The following GAB1 variants were observed in gnomAD, a reference collection of about 807,000 sequenced individuals.
GAB1 encodes the protein GRB2-associated-binding protein 1.
A neutral mutation model predicts 66.5 loss-of-function variants in GAB1; 19 were observed. That is an observed-to-expected ratio of 0.29 (90% CI 0.20 to 0.42). The LOEUF (loss-of-function observed/expected upper bound fraction) is 0.42. Among genes scored for constraint, GAB1 ranks in the 10% least tolerant of loss-of-function variants. GAB1 has a pLI of 1.00. For synonymous variants in GAB1, 294 were observed against 301.4 expected, an observed-to-expected ratio of 0.98 and a Z score of 0.25; for missense variants, 732 against 858.5, an observed-to-expected ratio of 0.85 and a Z score of 1.84.
intron 1 of GAB1, chr4:143,349,545 G>A (rs191773336): frequency 1.8e-5 from 27 of 1,507,902 alleles, no homozygotes; most frequent in Admixed American, 1.6e-4. Flanking sequence ...GTGCGGAGAC[G>A]ATGCCAGTGC....
chr4:143,362,193 A>G lies in GAB1; in HGVS notation c.72+24933A>G, dbSNP rs116296538. On this transcript the variant is annotated intron_variant, in intron 1 of 9. Coordinates refer to ENST00000262994, the MANE Select transcript of GAB1 (RefSeq NM_002039.4). ...GTGGAAGGATAGAAAAATAAGGACA[A>G]CAGCTACCTTCCTACATTACTTAAG... is the stretch of plus-strand genomic sequence containing the variant. Among the ~76,000 whole-genome samples, 407 of 152,290 alleles carry G rather than the reference A, an allele frequency of 2.7e-3. 2 individuals carry two copies. The highest frequency in any genetic ancestry group is 9.6e-3 in the African/African-American group (397 of 41,564).
At chr4:143,424,686 A>T (rs1281741875) in intron 2 of GAB1, 1 of 160,976 alleles carries the variant, frequency 6.2e-6, no homozygotes, top group Non-Finnish European at 1.4e-5. Context: ...AAGGCTGGGC[A>T]CGGTGGCTCC....
At chr4:143,459,329 GT>G in intron 6 of GAB1, 55 bp from the exon 7 acceptor site, 1 of 999,064 alleles carries the variant, frequency 1.0e-6, no homozygotes, top group Non-Finnish European at 1.6e-6. Context: ...AGAGAATCTT[GT>G]TTGTTTTCCA....
intron 6 of GAB1, among the ~76,000 whole-genome samples, chr4:143,441,454 T>C (rs2149760483): frequency 6.6e-6 from 1 of 152,326 alleles, no homozygotes; most frequent in African/African-American, 2.4e-5. Context: ...ATATTAGTTC[T>C]AATTAAGTCC....
At chr4:143,409,345 C>T (rs1732234706) in intron 1 of GAB1, among the ~76,000 whole-genome samples, 1 of 151,474 alleles carries the variant, frequency 6.6e-6, no homozygotes, top group African/African-American at 2.4e-5. Context: ...TGTATGCTAT[C>T]TTACTGAAGG....
At chr4:143,432,991 G>A (rs192026032) in intron 2 of GAB1, among the ~76,000 whole-genome samples, 1 of 152,262 alleles carries the variant, frequency 6.6e-6, no homozygotes, top group Admixed American at 6.5e-5. Flanking sequence ...AGAATTAGAA[G>A]TATTTCTCTG....
intron 1 of GAB1, among the ~76,000 whole-genome samples, chr4:143,398,854 G>GT (rs1731595392): frequency 6.6e-6 from 1 of 151,994 alleles, no homozygotes; most frequent in Non-Finnish European, 1.5e-5. Context: ...GAGCTCAGGA[G>GT]TTCGAGACCA....
At chr4:143,352,825 C>T (rs1233433589) in intron 1 of GAB1, among the ~76,000 whole-genome samples, 1 of 152,176 alleles carries the variant, frequency 6.6e-6, no homozygotes, top group Non-Finnish European at 1.5e-5. Context: ...ACTTTAACCT[C>T]TCTTCTGTGA....
At position 143,460,469 on chromosome 4, in the gene GAB1, C is replaced by G. The variant is rs1735433134; in HGVS notation, c.1785C>G (p.Asn595Lys). The G allele has an allele frequency of 1.9e-6, 3 of 1,613,632 alleles. No homozygotes were observed. Among genetic ancestry groups the G allele is most frequent in the Non-Finnish European group, 2.5e-6 (3 of 1,179,754 alleles). ...AGAATTATGTTCCCATGAACCCAAA[C>G]CTGTCCAGTGAAGACCCAGTATGTA... is the stretch of plus-strand genomic sequence containing the variant. The part of the protein sequence containing the change: ...SEENYVPMNP[N>K]LSSEDPNLFG... Residue 595 changes from asparagine to lysine, a missense_variant, in exon 8 of 10, where the codon AAC becomes AAG. This residue lies in a region of GAB1 where 204 missense variants were observed against 276.8 expected (regional missense o/e 0.74). Coordinates refer to ENST00000262994, the MANE Select transcript of GAB1 (RefSeq NM_002039.4).
At chr4:143,375,868 C>A (rs1010289726) in intron 1 of GAB1, among the ~76,000 whole-genome samples, 1 of 152,014 alleles carries the variant, frequency 6.6e-6, no homozygotes, top group African/African-American at 2.4e-5. Context: ...AGTAGTGCAC[C>A]CCATCCCCAG....
chr4:143,361,910 G>A (rs1240091873), intron 1 of GAB1, among the ~76,000 whole-genome samples: 1 of 117,700 alleles, frequency 8.5e-6, no homozygotes, highest in Non-Finnish European at 1.8e-5. Flanking sequence ...GAAGTGTTGT[G>A]TGTGGTTTTT....
intron 1 of GAB1, among the ~76,000 whole-genome samples, chr4:143,394,608 T>C (rs1212696284): frequency 1.3e-5 from 2 of 152,188 alleles, no homozygotes; most frequent in African/African-American, 4.8e-5. Flanking sequence ...TCTGTACCCC[T>C]TAGCCACTTA....
rs1228934545 is a variant in GAB1 at position 143,354,724 on chromosome 4, TATTC to T, written c.72+17468_72+17471del. Among the ~76,000 whole-genome samples the T allele has an allele frequency of 9.2e-5, 14 of 152,360 alleles. No individual in the cohort carries two copies. The East Asian group carries it at 2.5e-3, about 27-fold the overall frequency. ...TCACTTAAAATGTGTAGTACATTGT[TATTC>T]ATTATTTCTTTGTTTTAAGTTATAA... On this transcript the variant is annotated intron_variant, in intron 1 of 9. Coordinates refer to ENST00000262994, the MANE Select transcript of GAB1 (RefSeq NM_002039.4).
intron 1 of GAB1, among the ~76,000 whole-genome samples, chr4:143,362,952 G>A (rs1489335653): frequency 6.6e-6 from 1 of 152,202 alleles, no homozygotes; most frequent in Admixed American, 6.5e-5. Flanking sequence ...AACAGTTGCT[G>A]TGTGCTTGAT....
chr4:143,375,213 G>A (rs1375914227), intron 1 of GAB1, among the ~76,000 whole-genome samples: 1 of 152,194 alleles, frequency 6.6e-6, no homozygotes, highest in African/African-American at 2.4e-5. Flanking sequence ...CTCCCAAAGT[G>A]CTGGGATTAC....
At chr4:143,388,411 A>G (rs925134227) in intron 1 of GAB1, among the ~76,000 whole-genome samples, 19 of 152,120 alleles carry the variant, frequency 1.2e-4, no homozygotes, top group Admixed American at 6.5e-4. Context: ...GCAAATGCAA[A>G]TAGAGGTTTT....
intron 1 of GAB1, among the ~76,000 whole-genome samples, chr4:143,383,378 T>C (rs1022099053): frequency 2.0e-5 from 3 of 152,236 alleles, no homozygotes; most frequent in Admixed American, 1.3e-4. Flanking sequence ...TGTCCTCTTA[T>C]AGAACCCAAT....
In GAB1 at chr4:143,433,633, C is replaced by T. The variant is rs1204145185; in HGVS notation, c.510C>T (p.His170=). Residue 170 remains histidine, a synonymous_variant, in exon 3 of 10, where the codon CAC becomes CAT. Coordinates refer to ENST00000262994, the MANE Select transcript of GAB1 (RefSeq NM_002039.4). The part of the protein sequence containing the change: ...PPYQLINVPP[H]LETLGIQEDP... The stretch of plus-strand genomic sequence containing the variant: ...ATCAGCTAATCAATGTTCCACCACA[C>T]CTGGAAACTCTTGGCATTCAGGAGG... 6.2e-7 allele frequency: 1 copy of T among 1,613,984 alleles called. No individual in the cohort carries two copies. Among genetic ancestry groups the T allele is most frequent in the Non-Finnish European group, 8.5e-7 (1 of 1,179,902 alleles).
chr4:143,346,254 T>C (rs983433791), intron 1 of GAB1, among the ~76,000 whole-genome samples: 11 of 152,230 alleles, frequency 7.2e-5, no homozygotes, highest in African/African-American at 2.7e-4. Flanking sequence ...TAATCAAGAA[T>C]AGAAATAATA....
Sources: allele counts gnomAD v4.1 joint callset (sites outside exome capture counted in the v4.1 genomes callset), GRCh38; gene constraint gnomAD v4.1.1; regional missense constraint gnomAD v4.1.1; transcripts MANE v1.5; gene names NCBI Gene and HGNC (gene_info 2026-07-23, HGNC 2026-07-21).